DRC7: variants seen among roughly 807,000 people sequenced by gnomAD.
DRC7 encodes dynein regulatory complex subunit 7, also known as coiled-coil domain containing 135.
DRC7 carries 80 observed loss-of-function variants against 104.4 expected under a neutral mutation model. That is an observed-to-expected ratio of 0.77 (90% CI 0.64 to 0.92). The LOEUF (loss-of-function observed/expected upper bound fraction) is 0.92, where lower values mean the gene tolerates loss of function less well. Ranked by LOEUF, DRC7 falls within the 40% of genes least tolerant of loss-of-function variation. The probability of loss-of-function intolerance (pLI) is 0.00; values close to 1 mark genes in which losing one functional copy is unlikely to be tolerated. For missense variants in DRC7, 1,034 were observed against 1,141.1 expected (o/e 0.91, Z 1.35); for synonymous variants, 405 against 447.3 (o/e 0.91, Z 1.19).
At position 57,704,904 on chromosome 16, in the gene DRC7, C is replaced by G; in HGVS notation, c.728C>G (p.Pro243Arg). 6.2e-7 allele frequency: 1 copy of G among 1,613,640 alleles called. No individual in the cohort carries two copies. The highest frequency in any genetic ancestry group is 8.5e-7 in the Non-Finnish European group (1 of 1,179,852). Residue 243 changes from proline (P) to arginine (R), a missense_variant, in exon 7 of 19, where the codon CCT (proline) becomes CGT (arginine). Physicochemically the swap from Pro to Arg is moderately radical, Grantham distance 103. Transcript: ENST00000360716. The stretch of plus-strand genomic sequence containing the variant: ...ATCAAGAAGGAGGAAAAGGTGCTGC[C>G]TAAGAAGTATACCATCAAACCCCCC... Reference protein sequence around the residue: ...ETIKKEEKVLPKKYTIKPPRD... With the variant: ...ETIKKEEKVLRKKYTIKPPRD...
chr16:57,695,748 T>G (rs1429525057), intron 1 of DRC7, among the ~76,000 whole-genome samples: 3 of 152,134 alleles, frequency 2.0e-5, no homozygotes, highest in Non-Finnish European at 4.4e-5. Flanking sequence ...GGACAGAAAA[T>G]ATCTGCCCTC....
intron 17 of DRC7, among the ~76,000 whole-genome samples, chr16:57,729,741 A>G (rs1259061364): frequency 9.2e-5 from 2 of 21,734 alleles, no homozygotes; most frequent in Non-Finnish European, 7.9e-5. Context: ...TGGGTGGATG[A>G]GTGAGTGAGC....
intron 5 of DRC7, chr16:57,701,656 G>C (rs1267624942): frequency 2.2e-5 from 8 of 363,930 alleles, no homozygotes; most frequent in African/African-American, 1.5e-4. Flanking sequence ...TTACCAGTCA[G>C]AGGGCATTAG....
chr16:57,730,495 ACTC>A (rs1473720637), intron 17 of DRC7, among the ~76,000 whole-genome samples: 1 of 151,746 alleles, frequency 6.6e-6, no homozygotes, highest in Non-Finnish European at 1.5e-5. Flanking sequence ...CACTGTAACA[ACTC>A]CTAGTCCTTG....
intron 6 of DRC7, 151 bp from the exon 7 acceptor site, chr16:57,704,725 G>C (rs1238204835): frequency 2.7e-6 from 2 of 731,024 alleles, no homozygotes; most frequent in Non-Finnish European, 4.4e-6. Flanking sequence ...TGGAGCTGGA[G>C]CTGCATTTAG....
intron 7 of DRC7, among the ~76,000 whole-genome samples, chr16:57,706,008 CCAT>C (rs1271286589): frequency 9.2e-6 from 1 of 108,488 alleles, no homozygotes; most frequent in Non-Finnish European, 2.1e-5. Flanking sequence ...CATCCTCCCA[CCAT>C]CCTCCCATCC....
At chr16:57,702,870 C>G (rs1201055363) in intron 6 of DRC7, among the ~76,000 whole-genome samples, 2 of 152,036 alleles carry the variant, frequency 1.3e-5, no homozygotes, top group East Asian at 3.9e-4. Flanking sequence ...GTCCCACACT[C>G]CCGAGGTAAA....
chr16:57,710,686 G>A (rs978392602), intron 8 of DRC7, among the ~76,000 whole-genome samples: 2 of 152,128 alleles, frequency 1.3e-5, no homozygotes, highest in African/African-American at 4.8e-5. Context: ...TTTGCTGAGA[G>A]TTTTTTCAGA....
chr16:57,721,823 G>T (rs2048906111), intron 10 of DRC7, 84 bp downstream of exon 10: 1 of 986,924 alleles, frequency 1.0e-6, no homozygotes, highest in East Asian at 2.6e-5. Flanking sequence ...GAGGCAGGGG[G>T]ACACAGCAGG....
intron 17 of DRC7, among the ~76,000 whole-genome samples, chr16:57,730,625 T>C (rs1287659702): frequency 1.3e-5 from 2 of 152,064 alleles, no homozygotes; most frequent in Non-Finnish European, 2.9e-5. Flanking sequence ...GACCCTCCTT[T>C]TGTAGACAAG....
intron 4 of DRC7, 80 bp downstream of exon 4, chr16:57,699,104 C>A: frequency 6.6e-7 from 1 of 1,519,002 alleles, no homozygotes; most frequent in Non-Finnish European, 8.9e-7. Context: ...GGCAGGTTCT[C>A]CAAGGTCACT....
intron 8 of DRC7, among the ~76,000 whole-genome samples, chr16:57,709,362 A>G (rs1049356811): frequency 1.3e-5 from 2 of 152,004 alleles, no homozygotes; most frequent in African/African-American, 4.8e-5. Flanking sequence ...TATAATGTCA[A>G]ATTGAAGTGG....
At chr16:57,709,569 T>G (rs1217819346) in intron 8 of DRC7, among the ~76,000 whole-genome samples, 1 of 152,210 alleles carries the variant, frequency 6.6e-6, no homozygotes, top group African/African-American at 2.4e-5. Flanking sequence ...ATCAAATGTT[T>G]TTTTCATCTA....
chr16:57,697,907 C>T lies in DRC7; in HGVS notation c.-37-6C>T. On this transcript the variant is annotated splice_region_variant and splice_polypyrimidine_tract_variant and intron_variant, in intron 2 of 18. Coordinates refer to ENST00000360716, the MANE Select transcript of DRC7 (RefSeq NM_001289162.2). ...GGCCATGGAGTATACTTACCCTTCC[C>T]CACAGAGACATTCCATCTCCAGACA... is the stretch of plus-strand genomic sequence containing the variant. 1 of 1,595,606 alleles carries T rather than the reference C, an allele frequency of 6.3e-7. No individual in the cohort carries two copies. The highest frequency in any genetic ancestry group is 1.7e-5 in the Admixed American group (1 of 59,072).
intron 4 of DRC7, among the ~76,000 whole-genome samples, chr16:57,699,615 G>C (rs1334506124): frequency 6.6e-6 from 1 of 152,132 alleles, no homozygotes; most frequent in African/African-American, 2.4e-5. Flanking sequence ...CCCTGGACAG[G>C]CTGACCTCTG....
intron 12 of DRC7, among the ~76,000 whole-genome samples, chr16:57,723,789 AT>A (rs34976140): frequency 0.37 from 56,116 of 150,102 alleles, 11,940 homozygotes; most frequent in African/African-American, 0.55. Flanking sequence ...AGTAATATAC[AT>A]TTTTTTTAAA....
At chr16:57,698,713 A>G (rs1177716671) in intron 3 of DRC7, 137 bp from the exon 4 acceptor site, 1 of 784,108 alleles carries the variant, frequency 1.3e-6, no homozygotes, top group Non-Finnish European at 2.1e-6. Flanking sequence ...GAAAATGTGC[A>G]GATGTTAATG....
intron 11 of DRC7, 55 bp from the exon 12 acceptor site, chr16:57,722,947 G>A: frequency 6.2e-7 from 1 of 1,613,230 alleles, no homozygotes; most frequent in Middle Eastern, 1.7e-4. Context: ...GAATAAGGGG[G>A]GTTGAAGGCT....
intron 7 of DRC7, among the ~76,000 whole-genome samples, chr16:57,706,541 CCCATCCTCCCATCCTCCCATCCAT>C (rs2048731419): frequency 7.9e-6 from 1 of 126,870 alleles, no homozygotes; most frequent in African/African-American, 3.0e-5. Flanking sequence ...CACCCATCCA[CCCATCCTCCCATCCTCCCATCCAT>C]CCATCCTCCC....
Sources: gnomAD v4.1 joint callset for allele counts (sites outside exome capture counted in the v4.1 genomes callset) on GRCh38, gnomAD v4.1.1 for gene constraint, MANE v1.5 for transcripts, NCBI Gene and HGNC (gene_info 2026-07-23, HGNC 2026-07-21) for gene names.